Variants in CD274 observed in about 807,000 individuals in gnomAD.
CD274 encodes CD274 molecule.
Under a neutral mutation model 30.1 loss-of-function variants are expected in CD274, and 8 were observed. The ratio of observed to expected loss-of-function variants is 0.27; its 90% CI spans 0.16 to 0.48. The LOEUF (loss-of-function observed/expected upper bound fraction) is 0.48, where lower values mean the gene tolerates loss of function less well. Ranked by LOEUF, CD274 falls within the 20% of genes least tolerant of loss-of-function variation. The pLI is 0.99. For synonymous variants in CD274, 152 were observed against 124.6 expected (o/e 1.22, Z -1.46); for missense variants, 353 against 346.6 (o/e 1.02, Z -0.15).
chr9:5,468,912 T>A lies in CD274; in HGVS notation c.*1050T>A. On this transcript the variant is annotated 3_prime_UTR_variant, in exon 7 of 7. Coordinates refer to ENST00000381577, the MANE Select transcript of CD274 (RefSeq NM_014143.4). ...CAATATCAATCGCTGTGCCAGGCATTGAATCTACAGATGTGAGCAAGACAA... is the reference window on the plus strand; with the variant it reads ...CAATATCAATCGCTGTGCCAGGCATAGAATCTACAGATGTGAGCAAGACAA... 4.3e-6 allele frequency: 1 copy of A among 233,140 alleles called. No individual in the cohort carries two copies. The highest frequency in any genetic ancestry group is 8.5e-6 in the Non-Finnish European group (1 of 117,934). The allele number at this position is 233,140 out of a possible 1,614,324, so 14.4% of individuals were successfully genotyped here. A position where few individuals can be genotyped will look rare whatever the true frequency, so the allele number is the denominator to read the frequency against.
intron 1 of CD274, among the ~76,000 whole-genome samples, chr9:5,452,323 C>G (rs1819221469): frequency 6.6e-6 from 1 of 152,144 alleles, no homozygotes; most frequent in South Asian, 2.1e-4. Flanking sequence ...GGCTGCTTAA[C>G]TTTTTCTCTA....
At chr9:5,452,305 C>T (rs571018378) in intron 1 of CD274, among the ~76,000 whole-genome samples, 36 of 152,338 alleles carry the variant, frequency 2.4e-4, no homozygotes, top group African/African-American at 8.7e-4. Context: ...GCATGAGCCA[C>T]TGCTCCTGGC....
intron 3 of CD274, among the ~76,000 whole-genome samples, chr9:5,457,681 T>C (rs567202008): frequency 6.6e-6 from 1 of 152,310 alleles, no homozygotes; most frequent in African/African-American, 2.4e-5. Context: ...ATTTCTAGTC[T>C]TTACTTTTTT....
At chr9:5,467,317 A>T (rs1417430560) in intron 6 of CD274, among the ~76,000 whole-genome samples, 1 of 152,204 alleles carries the variant, frequency 6.6e-6, no homozygotes, top group Non-Finnish European at 1.5e-5. Flanking sequence ...GCTGATCACA[A>T]AAATCAAGCT....
At chr9:5,454,641 A>ATG (rs59259854) in intron 1 of CD274, among the ~76,000 whole-genome samples, 5 of 140,132 alleles carry the variant, frequency 3.6e-5, no homozygotes, top group Non-Finnish European at 6.5e-5. Flanking sequence ...ATATATATAT[A>ATG]TGTGTGTGTG....
chr9:5,460,901 G>T (rs1429874392), intron 3 of CD274, among the ~76,000 whole-genome samples: 1 of 152,274 alleles, frequency 6.6e-6, no homozygotes, highest in Non-Finnish European at 1.5e-5. Flanking sequence ...TGTATCATAA[G>T]AAACTGCCGT....
intron 3 of CD274, among the ~76,000 whole-genome samples, chr9:5,459,012 C>T (rs978574127): frequency 2.4e-4 from 37 of 152,308 alleles, no homozygotes; most frequent in African/African-American, 7.2e-4. Context: ...AAAGGTCTCT[C>T]ATCAGCCTGT....
chr9:5,467,759 G>A (rs1819520863), intron 6 of CD274, 81 bp from the exon 7 acceptor site: 5 of 1,106,596 alleles, frequency 4.5e-6, no homozygotes, highest in Non-Finnish European at 7.0e-6. Flanking sequence ...GCAACTATGA[G>A]TTATGTTTTT....
Position 5,453,686 on chromosome 9 carries a change from G to A in CD274, c.-14-2414G>A, listed in dbSNP as rs868708622. Among the ~76,000 whole-genome samples, 8 of 152,180 alleles carry A rather than the reference G, an allele frequency of 5.3e-5. No homozygotes were observed. The South Asian group carries it at 1.7e-3, about 31-fold the overall frequency. Reference sequence around the variant, plus strand: ...CAAATGGGTATTAAATGTATGATAAGGTTATAAATTACTTTTTAAAAGATT... The same window carrying A: ...CAAATGGGTATTAAATGTATGATAAAGTTATAAATTACTTTTTAAAAGATT... On this transcript the variant is annotated intron_variant, in intron 1 of 6. Coordinates refer to ENST00000381577, the MANE Select transcript of CD274 (RefSeq NM_014143.4).
chr9:5,454,860 G>T (rs1586762242), intron 1 of CD274, among the ~76,000 whole-genome samples: 1 of 151,962 alleles, frequency 6.6e-6, no homozygotes. Flanking sequence ...AAGTGAAAAT[G>T]GTATTTCATA....
At chr9:5,459,594 C>G (rs1351003794) in intron 3 of CD274, among the ~76,000 whole-genome samples, 3 of 152,150 alleles carry the variant, frequency 2.0e-5, no homozygotes, top group Admixed American at 2.0e-4. Context: ...TGAAACATTT[C>G]AAAACTGAAA....
intron 5 of CD274, chr9:5,466,051 T>C (rs1440371712): frequency 6.5e-6 from 1 of 152,754 alleles, no homozygotes; most frequent in Non-Finnish European, 1.5e-5. Context: ...AATTTGCATG[T>C]GTTCATTTCT....
intron 4 of CD274, among the ~76,000 whole-genome samples, chr9:5,465,295 C>G (rs1290521246): frequency 6.6e-6 from 1 of 152,190 alleles, no homozygotes; most frequent in Non-Finnish European, 1.5e-5. Context: ...CCAGCACCAC[C>G]TTTTCAAAGC....
intron 3 of CD274, among the ~76,000 whole-genome samples, chr9:5,459,415 G>A (rs943896598): frequency 2.6e-5 from 4 of 152,288 alleles, no homozygotes; most frequent in Admixed American, 2.6e-4. Context: ...CAATGGAAAT[G>A]AGGCAGCTGG....
rs2131229855 is a variant in CD274, at chr9:5,465,536, C to G, written c.720C>G (p.His240Gln). The G allele has an allele frequency of 6.2e-7, 1 of 1,611,054 alleles. No individual in the cohort carries two copies. Among genetic ancestry groups the G allele is most frequent in the Non-Finnish European group, 8.5e-7 (1 of 1,177,220 alleles). The change falls in exon 5 of 7, where the codon CAC (histidine) becomes CAG (glutamine). Residue 240 changes from histidine (H) to glutamine (Q), a missense_variant. By Grantham distance (24) the His-to-Gln change is conservative (BLOSUM62 0). Coordinates refer to ENST00000381577, the MANE Select transcript of CD274 (RefSeq NM_014143.4). ...PLAHPPNERT[H>Q]LVILGAILLC... is the part of the protein sequence containing the mutation. ...CACATCCTCCAAATGAAAGGACTCA[C>G]TTGGTAATTCTGGGAGCCATCTTAT...
At chr9:5,467,491 G>C (rs1819516874) in intron 6 of CD274, among the ~76,000 whole-genome samples, 1 of 152,100 alleles carries the variant, frequency 6.6e-6, no homozygotes, top group Non-Finnish European at 1.5e-5. Context: ...AATGTAGTTA[G>C]AAACCAAACT....
chr9:5,451,426 G>T (rs1423667371), intron 1 of CD274, among the ~76,000 whole-genome samples: 3 of 152,146 alleles, frequency 2.0e-5, no homozygotes, highest in Non-Finnish European at 4.4e-5. Context: ...TATATCTCTG[G>T]AATATTGCTG....
intron 3 of CD274, among the ~76,000 whole-genome samples, chr9:5,462,077 T>G (rs1819413899): frequency 6.6e-6 from 1 of 152,210 alleles, no homozygotes; most frequent in African/African-American, 2.4e-5. Context: ...ATACAGTAAC[T>G]CTATACTATC....
At chr9:5,460,422 T>C (rs1271496087) in intron 3 of CD274, among the ~76,000 whole-genome samples, 1 of 152,044 alleles carries the variant, frequency 6.6e-6, no homozygotes, top group Non-Finnish European at 1.5e-5. Flanking sequence ...CTCTAGGGGG[T>C]AAGTGCTTCA....
Sources: allele counts gnomAD v4.1 joint callset (sites outside exome capture counted in the v4.1 genomes callset), GRCh38; gene constraint gnomAD v4.1.1; transcripts MANE v1.5; gene names NCBI Gene and HGNC (gene_info 2026-07-23, HGNC 2026-07-21).